SUPT3H: variants seen among roughly 807,000 people sequenced by gnomAD.
The protein encoded by SUPT3H is SPT3 homolog, SAGA and STAGA complex component, also known as transcription initiation protein SPT3 homolog.
SUPT3H carries 44 observed loss-of-function variants against 44.3 expected under a neutral mutation model. That is an observed-to-expected ratio of 0.99 (90% CI 0.78 to 1.28). The LOEUF (loss-of-function observed/expected upper bound fraction) is 1.28, where lower values mean the gene tolerates loss of function less well. Ranked by LOEUF, SUPT3H falls within the 50% of genes most tolerant of loss-of-function variation. The pLI, the probability that SUPT3H is intolerant of heterozygous loss-of-function variation, is 0.00. For synonymous variants in SUPT3H, 124 were observed against 125.6 expected (o/e 0.99, Z 0.09); for missense variants, 380 against 387.1 (o/e 0.98, Z 0.15).
chr6:44,915,128 G>A (rs775869429), intron 10 of SUPT3H, among the ~76,000 whole-genome samples: 3 of 152,182 alleles, frequency 2.0e-5, no homozygotes, highest in Non-Finnish European at 4.4e-5. Flanking sequence ...AGTAAAGAGA[G>A]TGGCAAAATT....
intron 9 of SUPT3H, among the ~76,000 whole-genome samples, chr6:44,948,275 A>G (rs1418208459): frequency 6.6e-6 from 1 of 152,194 alleles, no homozygotes; most frequent in Non-Finnish European, 1.5e-5. Context: ...TAGACCTAAA[A>G]CCATAAAAAC....
chr6:45,344,524 C>T (rs765592183), intron 2 of SUPT3H, among the ~76,000 whole-genome samples: 2 of 151,838 alleles, frequency 1.3e-5, no homozygotes, highest in East Asian at 1.9e-4. Flanking sequence ...TTCCTTTGAA[C>T]GTCTAGAACA....
chr6:45,376,903 A>G (rs1390706034), intron 1 of SUPT3H, among the ~76,000 whole-genome samples: 1 of 152,174 alleles, frequency 6.6e-6, no homozygotes, highest in Non-Finnish European at 1.5e-5. Flanking sequence ...ATGTATATAC[A>G]TATATATACA....
chr6:45,025,743 C>T (rs1785877343), intron 3 of SUPT3H, among the ~76,000 whole-genome samples: 1 of 151,960 alleles, frequency 6.6e-6, no homozygotes, highest in African/African-American at 2.4e-5. Context: ...ATGAGCCTGG[C>T]GTGGTGGTGG....
chr6:45,362,217 T>C (rs958467662), intron 2 of SUPT3H, among the ~76,000 whole-genome samples: 8 of 152,226 alleles, frequency 5.3e-5, no homozygotes, highest in Admixed American at 2.6e-4. Context: ...ATTTCATTTG[T>C]GCTTGACAAC....
At chr6:45,324,831 C>T (rs1028789765) in intron 2 of SUPT3H, among the ~76,000 whole-genome samples, 2 of 152,012 alleles carry the variant, frequency 1.3e-5, no homozygotes, top group African/African-American at 4.8e-5. Context: ...AAAAGTACTA[C>T]AAAACAATGC....
intron 10 of SUPT3H, among the ~76,000 whole-genome samples, chr6:44,918,348 G>A (rs535337805): frequency 6.6e-6 from 1 of 152,176 alleles, no homozygotes; most frequent in Non-Finnish European, 1.5e-5. Flanking sequence ...CAGATTTATA[G>A]TTCAAGCTAC....
chr6:45,101,365 C>T (rs780359154), intron 3 of SUPT3H, among the ~76,000 whole-genome samples: 57 of 152,314 alleles, frequency 3.7e-4, no homozygotes, highest in Middle Eastern at 3.4e-3. Context: ...GCGGAGGTTG[C>T]GGTGAGCCGA....
intron 2 of SUPT3H, among the ~76,000 whole-genome samples, chr6:45,213,455 A>T (rs1764463158): frequency 6.6e-6 from 1 of 152,186 alleles, no homozygotes; most frequent in Non-Finnish European, 1.5e-5. Flanking sequence ...AATATTTAAC[A>T]TCACTGAGGG....
rs1052198759 is a variant in SUPT3H, at chr6:45,132,065, A to C, written c.102-26059T>G. Among the ~76,000 whole-genome samples the C allele has an allele frequency of 5.3e-5, 8 of 152,170 alleles. 1 individual carries two copies. The highest frequency in any genetic ancestry group is 1.9e-4 in the African/African-American group (8 of 41,408). ...ATGATAACAATATTCAGAACAGTACATTATTTAAGAATTATTTCTGGAATT... is the reference window on the plus strand; with the variant it reads ...ATGATAACAATATTCAGAACAGTACCTTATTTAAGAATTATTTCTGGAATT... On this transcript the variant is annotated intron_variant, in intron 2 of 10. Coordinates refer to ENST00000371459, the MANE Select transcript of SUPT3H (RefSeq NM_003599.4).
At chr6:44,951,239 T>C (rs1396833163) in intron 9 of SUPT3H, among the ~76,000 whole-genome samples, 2 of 151,912 alleles carry the variant, frequency 1.3e-5, no homozygotes, top group Non-Finnish European at 2.9e-5. Flanking sequence ...GAGAAGGTTT[T>C]TTTTTTTTTT....
chr6:45,023,357 G>A (rs1018805973), intron 3 of SUPT3H, among the ~76,000 whole-genome samples: 3 of 151,992 alleles, frequency 2.0e-5, no homozygotes, highest in Non-Finnish European at 2.9e-5. Flanking sequence ...CAACCATTGT[G>A]GAAAGCGGTA....
At chr6:44,959,796 CA>C (rs1334275063) in intron 7 of SUPT3H, among the ~76,000 whole-genome samples, 1 of 152,092 alleles carries the variant, frequency 6.6e-6, no homozygotes, top group South Asian at 2.1e-4. Flanking sequence ...TGGCTATGAT[CA>C]AATACTTAAG....
chr6:45,011,574 A>G (rs570767429), intron 5 of SUPT3H, among the ~76,000 whole-genome samples: 1 of 151,774 alleles, frequency 6.6e-6, no homozygotes, highest in Non-Finnish European at 1.5e-5. Flanking sequence ...CAAATATATT[A>G]TATTTCCAAA....
At chr6:44,811,177 C>T (rs1766493555) in intron 11 of SUPT3H, among the ~76,000 whole-genome samples, 1 of 152,168 alleles carries the variant, frequency 6.6e-6, no homozygotes, top group Non-Finnish European at 1.5e-5. Context: ...TCTCCTTAGG[C>T]TCCTCTTGGC....
chr6:44,877,019 T>C (rs1010862776), intron 10 of SUPT3H, among the ~76,000 whole-genome samples: 2 of 152,194 alleles, frequency 1.3e-5, no homozygotes, highest in African/African-American at 4.8e-5. Context: ...GAAAAAGGAT[T>C]TGACAGTTAT....
At chr6:44,928,905 G>GAAAA (rs1210373765) in intron 10 of SUPT3H, among the ~76,000 whole-genome samples, 2 of 62,934 alleles carry the variant, frequency 3.2e-5, no homozygotes, top group Admixed American at 3.9e-4. Flanking sequence ...AAAAAAAAAA[G>GAAAA]AAAAGAAAAG....
chr6:45,142,209 A>G (rs1262285881), intron 2 of SUPT3H, among the ~76,000 whole-genome samples: 1 of 152,192 alleles, frequency 6.6e-6, no homozygotes, highest in East Asian at 1.9e-4. Context: ...GAGAGAATAC[A>G]TTACTACCAA....
chr6:45,051,788 A>C (rs549596684), intron 3 of SUPT3H, among the ~76,000 whole-genome samples: 1 of 152,292 alleles, frequency 6.6e-6, no homozygotes, highest in Admixed American at 6.5e-5. Flanking sequence ...ATAACTATTG[A>C]GCATAAACCT....
Sources: allele counts gnomAD v4.1 joint callset (sites outside exome capture counted in the v4.1 genomes callset), GRCh38; gene constraint gnomAD v4.1.1; transcripts MANE v1.5; gene names NCBI Gene and HGNC (gene_info 2026-07-23, HGNC 2026-07-21).